Variants in PPFIA1 observed in about 807,000 individuals in gnomAD.
PPFIA1 encodes the protein liprin-alpha-1.
In PPFIA1, 25 loss-of-function variants were observed where a neutral mutation model predicts 149.9. The ratio of observed to expected loss-of-function variants is 0.17; its 90% CI spans 0.12 to 0.23. The LOEUF (loss-of-function observed/expected upper bound fraction) is 0.23. PPFIA1 is among the 10% of genes least tolerant of loss of function. PPFIA1 has a pLI of 1.00. For synonymous variants in PPFIA1, 549 were observed against 552.8 expected (o/e 0.99, Z 0.10); for missense variants, 1,362 against 1,506.5 (o/e 0.90, Z 1.59).
chr11:70,285,594 C>T (rs1020729350), intron 2 of PPFIA1, among the ~76,000 whole-genome samples: 3 of 151,010 alleles, frequency 2.0e-5, no homozygotes, highest in Admixed American at 6.6e-5. Context: ...GCAGGAGAAT[C>T]GCTTGAACCT....
chr11:70,370,356 G>C (rs762236360), intron 21 of PPFIA1, among the ~76,000 whole-genome samples: 2 of 151,402 alleles, frequency 1.3e-5, no homozygotes, highest in Non-Finnish European at 2.9e-5. Context: ...TCTGCTTGCC[G>C]TGGATTTCAT....
intron 11 of PPFIA1, among the ~76,000 whole-genome samples, chr11:70,336,310 T>C (rs943659909): frequency 5.3e-5 from 8 of 152,162 alleles, no homozygotes; most frequent in Non-Finnish European, 8.8e-5. Context: ...AAGACCAGCC[T>C]GGCCAACATG....
At chr11:70,354,899 C>G (rs944443338) in intron 17 of PPFIA1, among the ~76,000 whole-genome samples, 3 of 152,034 alleles carry the variant, frequency 2.0e-5, no homozygotes, top group African/African-American at 7.2e-5. Context: ...TCTCAGGAAA[C>G]CAATCAGCTG....
chr11:70,347,830 C>T (rs1296820206), intron 15 of PPFIA1, among the ~76,000 whole-genome samples: 4 of 152,006 alleles, frequency 2.6e-5, no homozygotes, highest in African/African-American at 4.8e-5. Context: ...GGTGAAACCC[C>T]GTGTCTACTA....
At chr11:70,280,843 C>G (rs1214732765) in intron 2 of PPFIA1, among the ~76,000 whole-genome samples, 1 of 152,158 alleles carries the variant, frequency 6.6e-6, no homozygotes, top group Non-Finnish European at 1.5e-5. Flanking sequence ...ACTGGGATTA[C>G]AGGTGTGAGC....
At chr11:70,315,678 GTTTTTTTTTTT>G (rs71049904) in intron 2 of PPFIA1, among the ~76,000 whole-genome samples, 20 of 73,022 alleles carry the variant, frequency 2.7e-4, no homozygotes, top group East Asian at 4.9e-4. Flanking sequence ...CTTTTTTTCT[GTTTTTTTTTTT>G]TTTTTTTTTT....
At chr11:70,272,679 C>T (rs2050162456) in intron 2 of PPFIA1, among the ~76,000 whole-genome samples, 3 of 152,152 alleles carry the variant, frequency 2.0e-5, no homozygotes, top group Admixed American at 2.0e-4. Flanking sequence ...TTGGGAACTG[C>T]CTAGGTTCAG....
intron 2 of PPFIA1, among the ~76,000 whole-genome samples, chr11:70,320,391 A>C (rs2053864600): frequency 6.6e-6 from 1 of 152,052 alleles, no homozygotes; most frequent in Admixed American, 6.6e-5. Flanking sequence ...GGGTAAGGGT[A>C]ACAGGGACTA....
chr11:70,350,949 A>C, intron 16 of PPFIA1: 1 of 1,173,678 alleles, frequency 8.5e-7, no homozygotes, highest in Non-Finnish European at 1.1e-6. Context: ...CAAAGTGTAT[A>C]TAGTAAATCT....
intron 5 of PPFIA1, among the ~76,000 whole-genome samples, chr11:70,325,810 T>C (rs938969266): frequency 6.6e-6 from 1 of 151,810 alleles, no homozygotes; most frequent in East Asian, 1.9e-4. Context: ...GCATGTTCCT[T>C]TAGTCCCAGC....
chr11:70,366,048 A>G, intron 21 of PPFIA1: 1 of 437,618 alleles, frequency 2.3e-6, no homozygotes, highest in Non-Finnish European at 4.5e-6. Flanking sequence ...TGTGTAATCT[A>G]CTTTTTTTGA....
At chr11:70,329,383 T>C (rs527991589) in intron 7 of PPFIA1, among the ~76,000 whole-genome samples, 2 of 152,352 alleles carry the variant, frequency 1.3e-5, no homozygotes, top group South Asian at 4.1e-4. Context: ...TTTGAGGTAG[T>C]TACATTTTCA....
Position 70,362,384 on chromosome 11 carries a change from C to T in PPFIA1, c.2761C>T (p.Arg921Cys). 3 of 1,614,220 alleles carry T rather than the reference C, an allele frequency of 1.9e-6. No homozygotes were observed. The highest frequency in any genetic ancestry group is 1.7e-6 in the Non-Finnish European group (2 of 1,180,038). The part of the protein sequence containing the change: ...MSALSDTEIQ[R>C]EIGISNPLHR... ...GGCCCTGTCCGACACAGAGATCCAG[C>T]GTGAGATTGGCATCAGCAACCCCCT... The change falls in exon 21 of 28, where the codon CGT becomes TGT. Residue 921 changes from arginine (R) to cysteine (C), a missense_variant. Arg to Cys is a radical substitution (Grantham distance 180). Coordinates refer to ENST00000253925, the MANE Select transcript of PPFIA1 (RefSeq NM_003626.5).
At chr11:70,288,933 G>C (rs2051333409) in intron 2 of PPFIA1, among the ~76,000 whole-genome samples, 1 of 151,298 alleles carries the variant, frequency 6.6e-6, no homozygotes, top group Non-Finnish European at 1.5e-5. Context: ...TTTGGGGCTG[G>C]GTGTGGCCAC....
At chr11:70,322,153 A>G (rs938184262) in intron 2 of PPFIA1, among the ~76,000 whole-genome samples, 1 of 152,222 alleles carries the variant, frequency 6.6e-6, no homozygotes, top group Admixed American at 6.5e-5. Context: ...TGTTGGGATT[A>G]CAGGTGTGAG....
chr11:70,331,596 A>T (rs1205749126), intron 8 of PPFIA1, among the ~76,000 whole-genome samples: 1 of 152,044 alleles, frequency 6.6e-6, no homozygotes, highest in East Asian at 1.9e-4. Flanking sequence ...CCTGGCCAAC[A>T]TGCCGAAGTC....
At chr11:70,343,188 T>TCACC (rs2055462739) in intron 14 of PPFIA1, among the ~76,000 whole-genome samples, 1 of 152,164 alleles carries the variant, frequency 6.6e-6, no homozygotes, top group Non-Finnish European at 1.5e-5. Context: ...CCTCAGGTGA[T>TCACC]CACCCACCTC....
At chr11:70,361,820 T>C (rs1277272225) in intron 19 of PPFIA1, among the ~76,000 whole-genome samples, 1 of 150,524 alleles carries the variant, frequency 6.6e-6, no homozygotes, top group Non-Finnish European at 1.5e-5. Flanking sequence ...GAGATGCATC[T>C]CATTATATTG....
intron 25 of PPFIA1, among the ~76,000 whole-genome samples, chr11:70,377,748 G>A (rs1014120097): frequency 1.3e-5 from 2 of 151,310 alleles, no homozygotes; most frequent in Non-Finnish European, 2.9e-5. Flanking sequence ...TTCCTGCAAG[G>A]TGTAAGAAGT....
Sources: gnomAD v4.1 joint callset for allele counts (sites outside exome capture counted in the v4.1 genomes callset) on GRCh38, gnomAD v4.1.1 for gene constraint, MANE v1.5 for transcripts, NCBI Gene and HGNC (gene_info 2026-07-23, HGNC 2026-07-21) for gene names.